Variants in MICAL2 observed in about 807,000 individuals in gnomAD.
MICAL2 encodes [F-actin]-monooxygenase MICAL2.
Under a neutral mutation model 127.3 loss-of-function variants are expected in MICAL2, and 77 were observed. The ratio of observed to expected loss-of-function variants is 0.60; its 90% CI spans 0.50 to 0.73. The LOEUF is 0.73. Among genes scored for constraint, MICAL2 ranks in the 30% least tolerant of loss-of-function variants. The probability of loss-of-function intolerance (pLI) is 0.00; values close to 1 mark genes in which losing one functional copy is unlikely to be tolerated. For synonymous variants in MICAL2, 570 were observed against 551.1 expected (o/e 1.03, Z -0.48); for missense variants, 1,351 against 1,434.4 (o/e 0.94, Z 0.94).
At chr11:12,260,842 C>G (rs1364174489) in intron 26 of MICAL2, 2 of 985,474 alleles carry the variant, frequency 2.0e-6, no homozygotes, top group Non-Finnish European at 1.2e-6. Context: ...GGCTTTCCCC[C>G]CCATACCAAC....
At chr11:12,189,470 C>T (rs555172549) in intron 3 of MICAL2, among the ~76,000 whole-genome samples, 4 of 152,216 alleles carry the variant, frequency 2.6e-5, no homozygotes, top group South Asian at 4.2e-4. Flanking sequence ...ATCCTTTTCC[C>T]GTTGGTACAT....
downstream of MICAL2, chr11:12,358,620 C>A (rs186719979): frequency 5.6e-4 from 432 of 768,076 alleles, 2 homozygotes; most frequent in African/African-American, 7.1e-3. Context: ...AATTAAAATT[C>A]TCTTGCACGC....
chr11:12,236,091 A>G, intron 15 of MICAL2, 86 bp from the exon 16 acceptor site: 1 of 1,197,374 alleles, frequency 8.4e-7, no homozygotes, highest in Non-Finnish European at 1.2e-6. Context: ...GCCAGCTCAA[A>G]GCCAGCCCTA....
chr11:12,285,977 T>G (rs1863822164), intron 2 of MICAL2, among the ~76,000 whole-genome samples: 1 of 152,192 alleles, frequency 6.6e-6, no homozygotes, highest in Non-Finnish European at 1.5e-5. Context: ...CCAGCAGTGA[T>G]GGAGGCGCAG....
intron 1 of MICAL2, among the ~76,000 whole-genome samples, chr11:12,115,114 G>A (rs935402635): frequency 2.0e-5 from 3 of 152,196 alleles, no homozygotes; most frequent in Admixed American, 6.5e-5. Context: ...AAGTTGTGGT[G>A]CCTTCTTCAA....
chr11:12,281,822 C>T (rs973150772), intron 2 of MICAL2, among the ~76,000 whole-genome samples: 51 of 152,338 alleles, frequency 3.3e-4, no homozygotes, highest in African/African-American at 1.2e-3. Context: ...CTGTCTTTAG[C>T]AGCCCAGCTT....
intron 1 of MICAL2, among the ~76,000 whole-genome samples, chr11:12,136,320 T>C (rs1454153429): frequency 1.3e-5 from 2 of 152,196 alleles, no homozygotes; most frequent in African/African-American, 4.8e-5. Flanking sequence ...AGAGCTGCTG[T>C]GGTCTCTGCT....
chr11:12,238,278 G>A (rs936060728), intron 16 of MICAL2, among the ~76,000 whole-genome samples: 15 of 152,180 alleles, frequency 9.9e-5, no homozygotes, highest in Admixed American at 2.6e-4. Context: ...AGGAGATCCC[G>A]TAGTAAGGGG....
chr11:12,321,634 C>T (rs1864298238), intron 30 of MICAL2, among the ~76,000 whole-genome samples: 1 of 111,956 alleles, frequency 8.9e-6, no homozygotes, highest in Non-Finnish European at 1.9e-5. Context: ...AGAACTGTGC[C>T]TTGTATATGT....
At chr11:12,226,724 C>G (rs1857520730) in intron 14 of MICAL2, among the ~76,000 whole-genome samples, 1 of 143,260 alleles carries the variant, frequency 7.0e-6, no homozygotes, top group South Asian at 2.2e-4. Context: ...GTGATCTCGG[C>G]TCACTGCAAG....
intron 2 of MICAL2, among the ~76,000 whole-genome samples, chr11:12,156,040 G>A (rs1284442665): frequency 2.6e-5 from 4 of 152,244 alleles, no homozygotes; most frequent in African/African-American, 9.6e-5. Context: ...GTGGGGAAGA[G>A]GGTTGGGGCC....
At chr11:12,195,083 C>A (rs1454294764) in intron 3 of MICAL2, among the ~76,000 whole-genome samples, 1 of 152,086 alleles carries the variant, frequency 6.6e-6, no homozygotes, top group Non-Finnish European at 1.5e-5. Context: ...TAGGGAGACC[C>A]TCTCTCTACA....
chr11:12,222,178 C>A (rs552740802), intron 10 of MICAL2, among the ~76,000 whole-genome samples: 5 of 152,324 alleles, frequency 3.3e-5, no homozygotes, highest in African/African-American at 9.6e-5. Context: ...GGCTTCTTCC[C>A]AGACCCCTGC....
At chr11:12,160,479 G>C (rs546487348) in intron 2 of MICAL2, among the ~76,000 whole-genome samples, 94 of 152,196 alleles carry the variant, frequency 6.2e-4, no homozygotes, top group African/African-American at 2.2e-3. Context: ...CACCACGTGC[G>C]CTGGACATCC....
At chr11:12,338,653 G>C (rs1169300048) in intron 32 of MICAL2, among the ~76,000 whole-genome samples, 1 of 152,128 alleles carries the variant, frequency 6.6e-6, no homozygotes, top group East Asian at 1.9e-4. Flanking sequence ...AGGCCTTGTG[G>C]TGACAAAATC....
chr11:12,256,954 C>T lies in MICAL2; in HGVS notation c.3125C>T (p.Thr1042Ile). ...ACCACCTTGCGCCTGGCCGCCTACACCTTTGACTGCGATGAAGGTAACCCC... is the reference window on the plus strand; with the variant it reads ...ACCACCTTGCGCCTGGCCGCCTACATCTTTGACTGCGATGAAGGTAACCCC... ...CATTLRLAAYTFDCDEGKFYC... is the reference protein window; with the variant it reads ...CATTLRLAAYIFDCDEGKFYC... The change falls in exon 24 of 28, where the codon ACC becomes ATC. Residue 1042 changes from threonine (T) to isoleucine (I), a missense_variant. Around this residue, in one of 2 missense-constraint regions of MICAL2, gnomAD observed 752 missense variants for 719.4 expected, o/e 1.05. Transcript: ENST00000683283. 6.2e-7 allele frequency: 1 copy of T among 1,613,256 alleles called. No individual in the cohort carries two copies. The highest frequency in any genetic ancestry group is 8.5e-7 in the Non-Finnish European group (1 of 1,179,556).
Position 12,358,419 on chromosome 11 carries a change from C to T in MICAL2, c.5814C>T (p.Ala1938=), listed in dbSNP as rs775912782. 72 of 1,613,966 alleles carry T rather than the reference C, an allele frequency of 4.5e-5. No homozygotes were observed. The Middle Eastern group carries it at 6.6e-4, about 15-fold the overall frequency. Residue 1938 remains alanine, a synonymous_variant, in exon 35 of 35, where the codon GCC becomes GCT. Coordinates refer to the MICAL2 transcript ENST00000646065. ...AGGAACAACGCATCAGAGAAAAAGC[C>T]GAGGACCAGCACTTTGAAAGCTTCG...
At chr11:12,121,323 C>A (rs961176737) in intron 1 of MICAL2, among the ~76,000 whole-genome samples, 1 of 152,174 alleles carries the variant, frequency 6.6e-6, no homozygotes, top group African/African-American at 2.4e-5. Flanking sequence ...ACTGCTGGAG[C>A]AGGAGCAGGA....
intron 3 of MICAL2, among the ~76,000 whole-genome samples, chr11:12,189,334 C>T (rs55885935): frequency 0.52 from 79,513 of 151,876 alleles, 21,504 homozygotes; most frequent in Middle Eastern, 0.7. Context: ...TGCTAAAGTG[C>T]GAGTACCTAT....
Sources: allele counts gnomAD v4.1 joint callset (sites outside exome capture counted in the v4.1 genomes callset), GRCh38; gene constraint gnomAD v4.1.1; regional missense constraint gnomAD v4.1.1; transcripts MANE v1.5; gene names NCBI Gene and HGNC (gene_info 2026-07-23, HGNC 2026-07-21).